The following CRPPA variants were observed in gnomAD, a reference collection of about 807,000 sequenced individuals.
The protein encoded by CRPPA is D-ribitol-5-phosphate cytidylyltransferase.
A neutral mutation model predicts 52.0 loss-of-function variants in CRPPA; 43 were observed. The observed-to-expected ratio is 0.83, with a 90% CI of 0.65 to 1.07. CRPPA has a LOEUF of 1.07. Among genes scored for constraint, CRPPA ranks in the 50% least tolerant of loss-of-function variants. The probability of loss-of-function intolerance (pLI) is 0.00; values close to 1 mark genes in which losing one functional copy is unlikely to be tolerated. For synonymous variants in CRPPA, 250 were observed against 203.5 expected, an observed-to-expected ratio of 1.23 and a Z score of -1.94; for missense variants, 629 against 551.7, an observed-to-expected ratio of 1.14 and a Z score of -1.40.
chr7:16,098,764 G>A (rs1287555812), intron 9 of CRPPA, among the ~76,000 whole-genome samples: 1 of 152,084 alleles, frequency 6.6e-6, no homozygotes, highest in African/African-American at 2.4e-5. Flanking sequence ...AAAACCTAAC[G>A]GGGGCACACT....
In CRPPA at chr7:16,421,068, C is replaced by T. The variant is rs886042759; in HGVS notation, c.255G>A (p.Glu85=). ...PLISYTLQAL[E]RVCWIKDIVV... The stretch of plus-strand genomic sequence containing the variant: ...GGGCGCGCCCGGCGCCGCATTACCT[C>T]TCCAGGGCCTGTAGGGTGTAGCTGA... Residue 85 remains glutamate (E), a splice_region_variant and synonymous_variant, in exon 1 of 10, where the codon GAG becomes GAA. Transcript: ENST00000407010. 45 of 1,280,392 alleles carry T rather than the reference C, an allele frequency of 3.5e-5. 1 individual carries two copies. Among genetic ancestry groups the T allele is most frequent in the Admixed American group, 8.4e-5 (2 of 23,904 alleles). 79.3% of individuals were successfully genotyped at this position (1,280,392 alleles called of 1,614,324 possible).
chr7:16,328,964 G>A lies in CRPPA; in HGVS notation c.685-20337C>T, dbSNP rs765117353. 4.6e-5 allele frequency among the ~76,000 whole-genome samples: 7 copies of A among 152,124 alleles called. 1 individual carries two copies. Among genetic ancestry groups the A allele is most frequent in the Non-Finnish European group, 1.5e-5 (1 of 68,030 alleles). On this transcript the variant is annotated intron_variant, in intron 3 of 9. Transcript: ENST00000407010. ...ACGAAACATGGACCCTTTGAAAATT[G>A]CTTTCTTGACTGTACATAACACCTG...
intron 9 of CRPPA, among the ~76,000 whole-genome samples, chr7:16,110,022 G>A (rs1583362124): frequency 6.6e-6 from 1 of 151,924 alleles, no homozygotes; most frequent in South Asian, 2.1e-4. Flanking sequence ...GTTTGCGGAT[G>A]ACATGATCTT....
At chr7:16,153,231 T>G (rs1039768036) in intron 9 of CRPPA, among the ~76,000 whole-genome samples, 6 of 152,098 alleles carry the variant, frequency 3.9e-5, no homozygotes, top group African/African-American at 1.4e-4. Context: ...ATATATAAAT[T>G]ACCTATGAGG....
At chr7:16,148,889 T>C (rs1783023761) in intron 9 of CRPPA, among the ~76,000 whole-genome samples, 1 of 152,214 alleles carries the variant, frequency 6.6e-6, no homozygotes, top group South Asian at 2.1e-4. Flanking sequence ...ATTTTATCTT[T>C]ACACATTCTA....
At chr7:16,192,716 T>A (rs1166414979) in intron 9 of CRPPA, among the ~76,000 whole-genome samples, 3 of 152,272 alleles carry the variant, frequency 2.0e-5, no homozygotes, top group African/African-American at 7.2e-5. Context: ...ATATTTGTAT[T>A]TCTGATCATC....
At chr7:16,132,300 T>C (rs1782695480) in intron 9 of CRPPA, among the ~76,000 whole-genome samples, 1 of 125,132 alleles carries the variant, frequency 8.0e-6, no homozygotes, top group Non-Finnish European at 1.8e-5. Context: ...TTTGGAAACA[T>C]ATAACATGTT....
intron 3 of CRPPA, among the ~76,000 whole-genome samples, chr7:16,315,688 AC>A (rs1054129606): frequency 3.9e-5 from 6 of 152,020 alleles, no homozygotes; most frequent in Admixed American, 2.0e-4. Flanking sequence ...CATTTTAAGA[AC>A]CTGGTCAAGC....
intron 2 of CRPPA, among the ~76,000 whole-genome samples, chr7:16,401,263 G>C (rs1188519345): frequency 6.6e-6 from 1 of 152,156 alleles, no homozygotes; most frequent in Non-Finnish European, 1.5e-5. Context: ...CAAAGATTTA[G>C]AGTCTTCCTC....
intron 9 of CRPPA, among the ~76,000 whole-genome samples, chr7:16,141,842 C>T (rs769253914): frequency 4.6e-5 from 7 of 152,158 alleles, no homozygotes; most frequent in South Asian, 2.1e-4. Context: ...GGGTGTCAAG[C>T]GCTCCTGTGG....
At chr7:16,265,857 G>A (rs1426474835) in intron 6 of CRPPA, among the ~76,000 whole-genome samples, 2 of 152,140 alleles carry the variant, frequency 1.3e-5, no homozygotes, top group Admixed American at 6.5e-5. Context: ...AGATAATGCA[G>A]TACAGGCACA....
At chr7:16,245,148 G>A (rs961864250) in intron 8 of CRPPA, among the ~76,000 whole-genome samples, 1 of 151,894 alleles carries the variant, frequency 6.6e-6, no homozygotes, top group African/African-American at 2.4e-5. Context: ...CCTCTGAAGT[G>A]CCTGATAGGC....
intron 3 of CRPPA, among the ~76,000 whole-genome samples, chr7:16,323,619 A>C (rs372579528): frequency 6.6e-6 from 1 of 152,230 alleles, no homozygotes; most frequent in East Asian, 1.9e-4. Flanking sequence ...AGGCATGAAC[A>C]TAATTTGTCA....
At chr7:16,150,587 A>C (rs1264089382) in intron 9 of CRPPA, among the ~76,000 whole-genome samples, 4 of 152,208 alleles carry the variant, frequency 2.6e-5, no homozygotes, top group Non-Finnish European at 5.9e-5. Flanking sequence ...AGAATTAAAA[A>C]ACACTACCAC....
intron 9 of CRPPA, among the ~76,000 whole-genome samples, chr7:16,197,919 C>A (rs1247876239): frequency 6.7e-6 from 1 of 148,746 alleles, no homozygotes; most frequent in Non-Finnish European, 1.5e-5. Flanking sequence ...AAGGGCGGTG[C>A]AGGATGTGCT....
At chr7:16,334,838 A>G (rs1314186386) in intron 3 of CRPPA, among the ~76,000 whole-genome samples, 2 of 152,170 alleles carry the variant, frequency 1.3e-5, no homozygotes, top group African/African-American at 2.4e-5. Flanking sequence ...CTAAAGGTCT[A>G]TTACAAAAGA....
intron 8 of CRPPA, among the ~76,000 whole-genome samples, chr7:16,257,117 G>T (rs1783664625): frequency 6.6e-6 from 1 of 152,028 alleles, no homozygotes; most frequent in South Asian, 2.1e-4. Flanking sequence ...AACAACTTAA[G>T]AAGTAGAGTT....
At chr7:16,099,281 A>G (rs996287035) in intron 9 of CRPPA, among the ~76,000 whole-genome samples, 4 of 148,864 alleles carry the variant, frequency 2.7e-5, no homozygotes, top group Non-Finnish European at 5.9e-5. Flanking sequence ...AGAGGGGCAG[A>G]AAAAAAAAGG....
At chr7:16,180,033 T>C (rs1003609349) in intron 9 of CRPPA, among the ~76,000 whole-genome samples, 2 of 152,148 alleles carry the variant, frequency 1.3e-5, no homozygotes, top group African/African-American at 4.8e-5. Context: ...TTGCTAGGTT[T>C]GTTAGAACTC....
Sources: allele counts gnomAD v4.1 joint callset (sites outside exome capture counted in the v4.1 genomes callset), GRCh38; gene constraint gnomAD v4.1.1; transcripts MANE v1.5; gene names NCBI Gene and HGNC (gene_info 2026-07-23, HGNC 2026-07-21).